Variants in UNC5C observed in about 807,000 individuals in gnomAD.
UNC5C encodes the protein netrin receptor UNC5C.
Under a neutral mutation model 99.8 loss-of-function variants are expected in UNC5C, and 47 were observed. The ratio of observed to expected loss-of-function variants is 0.47; its 90% CI spans 0.37 to 0.60. UNC5C has a LOEUF of 0.60. UNC5C is among the 20% of genes least tolerant of loss of function. The pLI, the probability that UNC5C is intolerant of heterozygous loss-of-function variation, is 0.00. For synonymous variants in UNC5C, 487 were observed against 452.2 expected, an observed-to-expected ratio of 1.08 and a Z score of -0.98; for missense variants, 1,062 against 1,165.9, an observed-to-expected ratio of 0.91 and a Z score of 1.30.
Position 95,168,150 on chromosome 4 carries a change from T to A in UNC5C, c.*1084A>T, listed in dbSNP as rs1735931331. The A allele has an allele frequency of 6.6e-6, 1 of 152,166 alleles. No individual in the cohort carries two copies. Among genetic ancestry groups the A allele is most frequent in the African/African-American group, 2.4e-5 (1 of 41,432 alleles). The allele number at this position is 152,166 out of a possible 1,614,324, so 9.4% of individuals were successfully genotyped here. On this transcript the variant is annotated 3_prime_UTR_variant, in exon 16 of 16. Coordinates refer to ENST00000453304, the MANE Select transcript of UNC5C (RefSeq NM_003728.4). ...TGAACTTAATAGAGAACACGTCTCC[T>A]TAAGACTCCTCAGAGGAGAAAGAAA...
chr4:95,489,145 A>AGAAGGAAG (rs1278690080), intron 1 of UNC5C, among the ~76,000 whole-genome samples: 2 of 150,398 alleles, frequency 1.3e-5, no homozygotes, highest in Non-Finnish European at 3.0e-5. Context: ...GAAGGAAGAA[A>AGAAGGAAG]GAAGGAAGGA....
chr4:95,521,194 T>C (rs1208885180), intron 1 of UNC5C, among the ~76,000 whole-genome samples: 3 of 135,738 alleles, frequency 2.2e-5, no homozygotes, highest in African/African-American at 3.1e-5. Flanking sequence ...GTGTCTCTTC[T>C]TCTTCTTTTT....
At chr4:95,440,667 G>A (rs565162309) in intron 1 of UNC5C, among the ~76,000 whole-genome samples, 69 of 151,906 alleles carry the variant, frequency 4.5e-4, no homozygotes, top group African/African-American at 1.6e-3. Context: ...TTAAGATTCC[G>A]AAGACCTGAC....
intron 1 of UNC5C, among the ~76,000 whole-genome samples, chr4:95,370,911 G>A (rs901669155): frequency 5.9e-5 from 9 of 152,052 alleles, no homozygotes; most frequent in East Asian, 1.9e-4. Flanking sequence ...ATAAGTAAGC[G>A]GTCTGTAGAG....
intron 2 of UNC5C, among the ~76,000 whole-genome samples, chr4:95,334,452 A>G (rs957214377): frequency 6.6e-6 from 1 of 151,966 alleles, no homozygotes; most frequent in African/African-American, 2.4e-5. Context: ...ATAATAAAGT[A>G]TTAATACTTA....
intron 5 of UNC5C, 111 bp downstream of exon 5, chr4:95,250,376 C>A (rs1739652945): frequency 1.7e-6 from 2 of 1,187,566 alleles, no homozygotes; most frequent in Admixed American, 2.5e-5. Flanking sequence ...CAGAGCAAGA[C>A]CCTGTCTCAA....
rs1578219204 is a variant in UNC5C, at chr4:95,544,117, T to C, written c.124+4617A>G. On this transcript the variant is annotated intron_variant, in intron 1 of 15. Transcript: ENST00000453304. ...TCTATGAGCTAAAAGCTGCTCTAAT[T>C]GTAACCTGTAGTATATATTATCCTC... 2.0e-5 allele frequency among the ~76,000 whole-genome samples: 3 copies of C among 152,340 alleles called. No homozygotes were observed. In the East Asian group the frequency reaches 5.8e-4, roughly 29 times the overall value.
intron 14 of UNC5C, among the ~76,000 whole-genome samples, chr4:95,174,283 G>A (rs2149345369): frequency 6.6e-6 from 1 of 151,838 alleles, no homozygotes; most frequent in African/African-American, 2.4e-5. Context: ...CCTTCTGCTA[G>A]CTTTTGAATG....
chr4:95,175,947 T>C (rs1264914207), intron 14 of UNC5C, among the ~76,000 whole-genome samples: 1 of 151,706 alleles, frequency 6.6e-6, no homozygotes, highest in Non-Finnish European at 1.5e-5. Context: ...TCATTTCTTT[T>C]TATTCTTTTT....
chr4:95,457,795 G>T (rs554967871), intron 1 of UNC5C, among the ~76,000 whole-genome samples: 1 of 152,176 alleles, frequency 6.6e-6, no homozygotes, highest in South Asian at 2.1e-4. Context: ...AGAAAACAGC[G>T]AATTCTGCTT....
In UNC5C at chr4:95,409,962, T is replaced by C. The variant is rs550255056; in HGVS notation, c.125-74331A>G. ...CTCAGCTGACTTAACGTTAAACCAA[T>C]GTTTCCACACCCAATCTCCCAGTGG... On this transcript the variant is annotated intron_variant, in intron 1 of 15. Coordinates refer to ENST00000453304, the MANE Select transcript of UNC5C (RefSeq NM_003728.4). 7.2e-5 allele frequency among the ~76,000 whole-genome samples: 11 copies of C among 152,232 alleles called. No individual in the cohort carries two copies. The South Asian group carries it at 2.1e-3, about 29-fold the overall frequency.
rs761878993 is a variant in UNC5C at position 95,216,192 on chromosome 4, G to T, written c.1665C>A (p.Pro555=). The part of the protein sequence containing the change: ...VPNSGVSLLI[P]AGAIPQGRVY... Reference sequence around the variant, plus strand: ...CTCTCCCTTGGGGAATGGCCCCAGCGGGAATCAGCAAGCTGACTCCTGAAT... The same window carrying T: ...CTCTCCCTTGGGGAATGGCCCCAGCTGGAATCAGCAAGCTGACTCCTGAAT... The change falls in exon 10 of 16, where the codon CCC becomes CCA. Residue 555 remains proline, a synonymous_variant. Coordinates refer to ENST00000453304, the MANE Select transcript of UNC5C (RefSeq NM_003728.4). The T allele has an allele frequency of 6.2e-7, 1 of 1,613,312 alleles. No homozygotes were observed. Among genetic ancestry groups the T allele is most frequent in the Admixed American group, 1.7e-5 (1 of 60,000 alleles).
chr4:95,397,433 A>T (rs1745547996), intron 1 of UNC5C, among the ~76,000 whole-genome samples: 1 of 152,204 alleles, frequency 6.6e-6, no homozygotes, highest in Admixed American at 6.5e-5. Context: ...AAAGTTAGTA[A>T]GAAAACACTC....
chr4:95,221,163 T>C (rs1361079008), intron 7 of UNC5C, among the ~76,000 whole-genome samples: 1 of 152,218 alleles, frequency 6.6e-6, no homozygotes, highest in African/African-American at 2.4e-5. Flanking sequence ...GAAACCTTTG[T>C]GGACCCCTTT....
Position 95,167,442 on chromosome 4 carries a change from C to T in UNC5C, c.*1792G>A, listed in dbSNP as rs1008937986. ...AGTTTTTAAAGAGCTAACTAGACAG[C>T]TTTTATAAATGCTACTGAATATTAT... On this transcript the variant is annotated 3_prime_UTR_variant, in exon 16 of 16. Coordinates refer to ENST00000453304, the MANE Select transcript of UNC5C (RefSeq NM_003728.4). 1.3e-5 allele frequency: 2 copies of T among 152,058 alleles called. No homozygotes were observed. The highest frequency in any genetic ancestry group is 4.8e-5 in the African/African-American group (2 of 41,388). 9.4% of individuals were successfully genotyped at this position (152,058 alleles called of 1,614,324 possible).
intron 1 of UNC5C, among the ~76,000 whole-genome samples, chr4:95,412,746 C>G (rs1349079962): frequency 6.6e-6 from 1 of 152,168 alleles, no homozygotes; most frequent in East Asian, 1.9e-4. Context: ...AGAGTTAACA[C>G]AATGAGTCAC....
intron 12 of UNC5C, 103 bp downstream of exon 12, chr4:95,202,628 C>A: frequency 3.5e-6 from 4 of 1,138,578 alleles, no homozygotes; most frequent in Admixed American, 2.2e-5. Flanking sequence ...TGTCCACACA[C>A]TTGGGTGCAC....
chr4:95,484,420 G>T, intron 1 of UNC5C, among the ~76,000 whole-genome samples: 1 of 151,678 alleles, frequency 6.6e-6, no homozygotes, highest in East Asian at 2.0e-4. Context: ...TTCTGCCTGG[G>T]CTCACGAGCA....
chr4:95,182,805 T>C (rs549035403), intron 14 of UNC5C, 92 bp downstream of exon 14: 1 of 1,382,640 alleles, frequency 7.2e-7, no homozygotes, highest in African/African-American at 1.4e-5. Context: ...ACTTCCCATA[T>C]GGACTATGTT....
Sources: gnomAD v4.1 joint callset for allele counts (sites outside exome capture counted in the v4.1 genomes callset) on GRCh38, gnomAD v4.1.1 for gene constraint, MANE v1.5 for transcripts, NCBI Gene and HGNC (gene_info 2026-07-23, HGNC 2026-07-21) for gene names.